TGS1: variants seen among roughly 807,000 people sequenced by gnomAD.
TGS1 encodes the protein trimethylguanosine synthase.
TGS1 carries 69 observed loss-of-function variants against 92.2 expected under a neutral mutation model. The observed-to-expected ratio is 0.75, with a 90% CI of 0.62 to 0.91. The LOEUF is 0.91. Ranked by LOEUF, TGS1 falls within the 40% of genes least tolerant of loss-of-function variation. The probability of loss-of-function intolerance (pLI) is 0.00; values close to 1 mark genes in which losing one functional copy is unlikely to be tolerated. For missense variants in TGS1, 1,062 were observed against 1,001.2 expected (o/e 1.06, Z -0.82); for synonymous variants, 345 against 338.1 (o/e 1.02, Z -0.22).
intron 10 of TGS1, among the ~76,000 whole-genome samples, chr8:55,810,498 T>G (rs905906551): frequency 6.6e-6 from 1 of 152,238 alleles, no homozygotes; most frequent in Admixed American, 6.5e-5. Context: ...GTTTGTCTTT[T>G]CCAAAACCTA....
At chr8:55,810,135 C>G (rs530151222) in intron 10 of TGS1, among the ~76,000 whole-genome samples, 37 of 152,288 alleles carry the variant, frequency 2.4e-4, no homozygotes, top group Non-Finnish European at 5.0e-4. Context: ...ACAACCACGC[C>G]GTAAGCGTAA....
chr8:55,773,752 G>A (rs1221417804), intron 1 of TGS1, 33 bp downstream of exon 1: 7 of 1,541,124 alleles, frequency 4.5e-6, no homozygotes, highest in East Asian at 2.3e-5. Flanking sequence ...TCATGTTCTA[G>A]CACAGTCATT....
chr8:55,787,398 A>G (rs752527793), intron 4 of TGS1, among the ~76,000 whole-genome samples: 6 of 152,210 alleles, frequency 3.9e-5, no homozygotes, highest in Non-Finnish European at 7.3e-5. Flanking sequence ...TTAGAAAGCA[A>G]TTGAGAATGT....
Position 55,802,640 on chromosome 8 carries a change from G to A in TGS1, c.1999+34G>A, listed in dbSNP as rs373316721. 7 of 1,564,726 alleles carry A rather than the reference G, an allele frequency of 4.5e-6. No individual in the cohort carries two copies. The African/African-American group carries it at 9.6e-5, about 22-fold the overall frequency. On this transcript the variant is annotated intron_variant, in intron 9 of 12. Coordinates refer to ENST00000260129, the MANE Select transcript of TGS1 (RefSeq NM_024831.8). ...TATATGTATTTTTTAGCTTTATTTT[G>A]AAACCACTTCAAACTTAAAAAGAAA...
At chr8:55,776,559 G>A (rs1398264398) in intron 1 of TGS1, among the ~76,000 whole-genome samples, 3 of 152,282 alleles carry the variant, frequency 2.0e-5, no homozygotes, top group African/African-American at 2.4e-5. Flanking sequence ...GATTACAGGC[G>A]TGAGCCACTG....
intron 1 of TGS1, among the ~76,000 whole-genome samples, chr8:55,775,026 G>A (rs978939900): frequency 2.6e-5 from 4 of 152,192 alleles, no homozygotes; most frequent in African/African-American, 9.7e-5. Context: ...GAGGAGTGAG[G>A]ATCACTTGAG....
intron 1 of TGS1, among the ~76,000 whole-genome samples, chr8:55,773,922 A>G (rs954223178): frequency 7.2e-5 from 11 of 152,162 alleles, no homozygotes; most frequent in Non-Finnish European, 1.0e-4. Context: ...GACTACATCT[A>G]CTTGGTAGGC....
chr8:55,795,643 A>G (rs1429426760), intron 6 of TGS1, among the ~76,000 whole-genome samples: 1 of 152,190 alleles, frequency 6.6e-6, no homozygotes, highest in Non-Finnish European at 1.5e-5. Flanking sequence ...TTATATATTT[A>G]TATTTCCCTA....
rs1009757065 is a variant in TGS1, at chr8:55,805,906, T to G, written c.2143+870T>G. Reference sequence around the variant, plus strand: ...TAAAAAAAAAAAAAAAAAAAAAAATTTAAAAATTAGCCAGGCGTGGTGGTG... The same window carrying G: ...TAAAAAAAAAAAAAAAAAAAAAAATGTAAAAATTAGCCAGGCGTGGTGGTG... On this transcript the variant is annotated intron_variant, in intron 10 of 12. Transcript: ENST00000260129. 4.3e-5 allele frequency among the ~76,000 whole-genome samples: 6 copies of G among 140,078 alleles called. No homozygotes were observed. The East Asian group carries it at 8.2e-4, about 19-fold the overall frequency. 91.9% of individuals were successfully genotyped at this position (140,078 alleles called of 152,430 possible).
chr8:55,790,011 ATGCTC>A, intron 4 of TGS1, 166 bp from the exon 5 acceptor site: 1 of 561,832 alleles, frequency 1.8e-6, no homozygotes. Flanking sequence ...GATTTTTAAA[ATGCTC>A]AGACTCTGCA....
intron 8 of TGS1, among the ~76,000 whole-genome samples, chr8:55,799,779 A>G (rs999794315): frequency 6.6e-6 from 1 of 151,920 alleles, no homozygotes; most frequent in South Asian, 2.1e-4. Context: ...GGGTCTCACT[A>G]TATTGCTGAG....
rs890569221 is a variant in TGS1, at chr8:55,802,641, A to T, written c.1999+35A>T. ...ATATGTATTTTTTAGCTTTATTTTGAAACCACTTCAAACTTAAAAAGAAAG... is the reference window on the plus strand; with the variant it reads ...ATATGTATTTTTTAGCTTTATTTTGTAACCACTTCAAACTTAAAAAGAAAG... On this transcript the variant is annotated intron_variant, in intron 9 of 12. Coordinates refer to ENST00000260129, the MANE Select transcript of TGS1 (RefSeq NM_024831.8). The T allele has an allele frequency of 3.2e-6, 5 of 1,555,500 alleles. No homozygotes were observed. In the African/African-American group the frequency reaches 6.9e-5, roughly 21 times the overall value.
intron 12 of TGS1, among the ~76,000 whole-genome samples, chr8:55,820,962 T>G (rs1207687231): frequency 1.3e-5 from 2 of 152,210 alleles, no homozygotes; most frequent in African/African-American, 4.8e-5. Context: ...AGCTAGAAAT[T>G]AATGGCATTC....
chr8:55,781,673 C>T (rs1811566107), intron 1 of TGS1, among the ~76,000 whole-genome samples: 1 of 152,202 alleles, frequency 6.6e-6, no homozygotes, highest in Non-Finnish European at 1.5e-5. Context: ...CACCCCCTTG[C>T]CTGTTCATCA....
At chr8:55,792,472 A>C (rs1457130640) in intron 5 of TGS1, among the ~76,000 whole-genome samples, 1 of 152,216 alleles carries the variant, frequency 6.6e-6, no homozygotes, top group Non-Finnish European at 1.5e-5. Context: ...ACATGAATTA[A>C]GACTGGAATA....
chr8:55,792,191 G>T (rs915651722), intron 5 of TGS1, among the ~76,000 whole-genome samples: 2 of 152,162 alleles, frequency 1.3e-5, no homozygotes, highest in Non-Finnish European at 2.9e-5. Context: ...ATGGTCACTG[G>T]TTACTAAAAG....
At chr8:55,790,373 A>G (rs1193430906) in intron 5 of TGS1, 74 bp downstream of exon 5, 1 of 927,050 alleles carries the variant, frequency 1.1e-6, no homozygotes. Flanking sequence ...GTGGTTATTA[A>G]ATGATTGTTA....
intron 11 of TGS1, among the ~76,000 whole-genome samples, chr8:55,812,142 GTTTGTTA>G (rs1803356547): frequency 6.6e-6 from 1 of 152,006 alleles, no homozygotes. Context: ...ATAGAGTAAC[GTTTGTTA>G]TTTGTCACTT....
rs377675279 is a variant in TGS1 at position 55,785,072 on chromosome 8, G to GT, written c.167-637dup. Among the ~76,000 whole-genome samples, 487 of 137,430 alleles carry GT rather than the reference G, an allele frequency of 3.5e-3. 4 individuals are homozygous for GT. The highest frequency in any genetic ancestry group is 0.018 in the East Asian group (92 of 5,032). The allele number at this position is 137,430 out of a possible 152,430, so 90.2% of individuals were successfully genotyped here. A position where few individuals can be genotyped will look rare whatever the true frequency, so the allele number is the denominator to read the frequency against. On this transcript the variant is annotated intron_variant, in intron 2 of 12. Coordinates refer to ENST00000260129, the MANE Select transcript of TGS1 (RefSeq NM_024831.8). Reference sequence around the variant, plus strand: ...TGGTGTTTTTTGTTTTTTGTTTTTTGTTTTTTTTTTGAGACAGAGTCTCGC... The same window carrying GT: ...TGGTGTTTTTTGTTTTTTGTTTTTTGTTTTTTTTTTTGAGACAGAGTCTCGC...
Sources: allele counts gnomAD v4.1 joint callset (sites outside exome capture counted in the v4.1 genomes callset), GRCh38; gene constraint gnomAD v4.1.1; transcripts MANE v1.5; gene names NCBI Gene and HGNC (gene_info 2026-07-23, HGNC 2026-07-21).